The following PCSK2 variants were observed in gnomAD, a reference collection of about 807,000 sequenced individuals.
PCSK2 encodes the protein neuroendocrine convertase 2.
PCSK2 carries 14 observed loss-of-function variants against 69.7 expected under a neutral mutation model. The ratio of observed to expected loss-of-function variants is 0.20; its 90% CI spans 0.13 to 0.31. The LOEUF is 0.31. Ranked by LOEUF, PCSK2 falls within the 10% of genes least tolerant of loss-of-function variation. PCSK2 has a pLI of 1.00. For synonymous variants in PCSK2, 307 were observed against 320.7 expected (o/e 0.96, Z 0.46); for missense variants, 544 against 842.5 (o/e 0.65, Z 4.39).
chr20:17,344,824 TTTCTGTGA>T (rs1891008820), intron 2 of PCSK2, among the ~76,000 whole-genome samples: 2 of 152,260 alleles, frequency 1.3e-5, no homozygotes, highest in South Asian at 4.1e-4. Flanking sequence ...TTAGTCCTCC[TTTCTGTGA>T]TGGTGCCCAA....
At chr20:17,368,996 A>G (rs2030679592) in intron 4 of PCSK2, among the ~76,000 whole-genome samples, 1 of 152,220 alleles carries the variant, frequency 6.6e-6, no homozygotes, top group African/African-American at 2.4e-5. Context: ...CTGATGAGCC[A>G]TCCATCTCAC....
chr20:17,405,263 T>C (rs1329697180), intron 5 of PCSK2, among the ~76,000 whole-genome samples: 1 of 152,148 alleles, frequency 6.6e-6, no homozygotes, highest in East Asian at 1.9e-4. Flanking sequence ...CTCTCTTCCT[T>C]CCCCTACATC....
chr20:17,311,586 C>A (rs1203931760), intron 2 of PCSK2, among the ~76,000 whole-genome samples: 2 of 152,012 alleles, frequency 1.3e-5, no homozygotes, highest in Admixed American at 1.3e-4. Flanking sequence ...TAGAATGTAC[C>A]TTAGGCCAAT....
chr20:17,477,332 T>A (rs1008124313), intron 11 of PCSK2, among the ~76,000 whole-genome samples: 2 of 151,714 alleles, frequency 1.3e-5, no homozygotes, highest in Non-Finnish European at 2.9e-5. Flanking sequence ...TATTTTATTT[T>A]ATTTATTTAT....
intron 5 of PCSK2, among the ~76,000 whole-genome samples, chr20:17,376,042 C>G (rs1315871083): frequency 6.6e-6 from 1 of 152,196 alleles, no homozygotes; most frequent in Non-Finnish European, 1.5e-5. Flanking sequence ...TCCCAACTGC[C>G]TACCCACGCC....
chr20:17,325,110 C>T (rs940475705), intron 2 of PCSK2, among the ~76,000 whole-genome samples: 1 of 152,138 alleles, frequency 6.6e-6, no homozygotes, highest in African/African-American at 2.4e-5. Context: ...TGCACAACAG[C>T]TTTCCTTTGA....
intron 5 of PCSK2, among the ~76,000 whole-genome samples, chr20:17,404,658 C>G (rs917908078): frequency 5.3e-5 from 8 of 152,074 alleles, no homozygotes; most frequent in African/African-American, 1.9e-4. Flanking sequence ...TGGCTGTAGC[C>G]CAGGAGAGAA....
intron 6 of PCSK2, among the ~76,000 whole-genome samples, chr20:17,422,653 TAAAGAA>T (rs2032158434): frequency 6.6e-6 from 1 of 151,346 alleles, no homozygotes; most frequent in African/African-American, 2.4e-5. Context: ...AGAATGAAGA[TAAAGAA>T]GAAGAAGATG....
At chr20:17,254,476 C>T (rs573770970) in intron 1 of PCSK2, among the ~76,000 whole-genome samples, 1 of 152,254 alleles carries the variant, frequency 6.6e-6, no homozygotes, top group African/African-American at 2.4e-5. Context: ...TTGAATTGTT[C>T]TAGCATCCAT....
intron 2 of PCSK2, among the ~76,000 whole-genome samples, chr20:17,328,678 G>A (rs934384955): frequency 6.6e-6 from 1 of 152,120 alleles, no homozygotes; most frequent in Non-Finnish European, 1.5e-5. Context: ...AGGTTTTGGA[G>A]ATTATCTTCC....
intron 4 of PCSK2, among the ~76,000 whole-genome samples, chr20:17,368,863 G>C (rs562007311): frequency 6.6e-6 from 1 of 152,178 alleles, no homozygotes; most frequent in Non-Finnish European, 1.5e-5. Flanking sequence ...CTAATCCATT[G>C]CTGTCCATGC....
intron 2 of PCSK2, among the ~76,000 whole-genome samples, chr20:17,352,110 G>A (rs546764668): frequency 3.3e-5 from 5 of 152,130 alleles, no homozygotes; most frequent in African/African-American, 1.2e-4. Context: ...ATAGCTATAA[G>A]AAGAATAAAA....
At chr20:17,227,761 G>T (rs937537421) in intron 1 of PCSK2, among the ~76,000 whole-genome samples, 2 of 152,168 alleles carry the variant, frequency 1.3e-5, no homozygotes, top group African/African-American at 4.8e-5. Flanking sequence ...GCCATGCTCC[G>T]GGGATGCTGT....
chr20:17,305,748 T>G (rs1446325523), intron 2 of PCSK2, among the ~76,000 whole-genome samples: 1 of 152,240 alleles, frequency 6.6e-6, no homozygotes, highest in South Asian at 2.1e-4. Context: ...TCCTAGCATT[T>G]GCAATGGCAT....
chr20:17,258,574 A>G (rs1987264130), intron 1 of PCSK2, among the ~76,000 whole-genome samples: 1 of 152,214 alleles, frequency 6.6e-6, no homozygotes, highest in South Asian at 2.1e-4. Context: ...GCAGCCATTC[A>G]AAAGAAGGAA....
chr20:17,461,291 C>G (rs776876876), intron 10 of PCSK2, among the ~76,000 whole-genome samples: 11 of 152,094 alleles, frequency 7.2e-5, no homozygotes, highest in Non-Finnish European at 1.2e-4. Flanking sequence ...CTCACAAATG[C>G]ATTATTTTTC....
chr20:17,291,783 G>A (rs1348216603), intron 2 of PCSK2, among the ~76,000 whole-genome samples: 1 of 152,144 alleles, frequency 6.6e-6, no homozygotes, highest in African/African-American at 2.4e-5. Flanking sequence ...GGAATCTGGA[G>A]GCAGGCAGTA....
At chr20:17,288,518 T>TC (rs932475052) in intron 2 of PCSK2, among the ~76,000 whole-genome samples, 2 of 152,088 alleles carry the variant, frequency 1.3e-5, no homozygotes, top group Non-Finnish European at 2.9e-5. Context: ...CTGAATTGTT[T>TC]CCCCCCAGAT....
intron 2 of PCSK2, among the ~76,000 whole-genome samples, chr20:17,302,853 T>C (rs771281888): frequency 9.9e-5 from 15 of 152,192 alleles, no homozygotes; most frequent in Non-Finnish European, 1.6e-4. Context: ...GTTGTTATTC[T>C]TGTCTCCTGT....
Sources: gnomAD v4.1 joint callset for allele counts (sites outside exome capture counted in the v4.1 genomes callset) on GRCh38, gnomAD v4.1.1 for gene constraint, MANE v1.5 for transcripts, NCBI Gene and HGNC (gene_info 2026-07-23, HGNC 2026-07-21) for gene names.